GALNT13: variants seen among roughly 807,000 people sequenced by gnomAD.
GALNT13 encodes the protein UDP-GalNAc:polypeptide N-acetylgalactosaminyltransferase 13.
Under a neutral mutation model 64.2 loss-of-function variants are expected in GALNT13, and 28 were observed. The ratio of observed to expected loss-of-function variants is 0.44; its 90% CI spans 0.32 to 0.60. The LOEUF (loss-of-function observed/expected upper bound fraction) is 0.60, where lower values mean the gene tolerates loss of function less well. Among genes scored for constraint, GALNT13 ranks in the 20% least tolerant of loss-of-function variants. The pLI is 0.05. For synonymous variants in GALNT13, 214 were observed against 224.6 expected (o/e 0.95, Z 0.42); for missense variants, 577 against 669.8 (o/e 0.86, Z 1.53).
At chr2:153,233,150 A>G in the GALNT13 span, among the ~76,000 whole-genome samples, 1 of 152,226 alleles carries the variant, frequency 6.6e-6, no homozygotes, top group East Asian at 1.9e-4. Context: ...AGAAGCTTCC[A>G]CGTTAAAACT....
At chr2:154,086,540 T>C (rs1184578929) in intron 3 of GALNT13, among the ~76,000 whole-genome samples, 2 of 151,522 alleles carry the variant, frequency 1.3e-5, no homozygotes, top group African/African-American at 2.4e-5. Context: ...TCCATTTGCA[T>C]AAAGTTTTGA....
At chr2:153,496,974 A>T in the GALNT13 span, among the ~76,000 whole-genome samples, 2 of 145,194 alleles carry the variant, frequency 1.4e-5, no homozygotes, top group Non-Finnish European at 3.0e-5. Context: ...AGCCTGGGCG[A>T]CAGAGCAAGA....
chr2:154,192,378 C>G (rs1211024472), intron 4 of GALNT13, among the ~76,000 whole-genome samples: 1 of 152,172 alleles, frequency 6.6e-6, no homozygotes, highest in Non-Finnish European at 1.5e-5. Context: ...CGGGTCCAGG[C>G]CCGGGGGTGG....
At chr2:153,247,607 G>A in the GALNT13 span, among the ~76,000 whole-genome samples, 2 of 151,932 alleles carry the variant, frequency 1.3e-5, no homozygotes, top group African/African-American at 4.8e-5. Context: ...GCCCACATCA[G>A]AAGCTAGAAA....
At chr2:154,106,901 G>C (rs921873968) in intron 3 of GALNT13, among the ~76,000 whole-genome samples, 6 of 152,278 alleles carry the variant, frequency 3.9e-5, no homozygotes, top group Middle Eastern at 3.4e-3. Context: ...AGTGTTTTAG[G>C]TGAGGACTAA....
chr2:154,150,802 T>C (rs1683959319), intron 4 of GALNT13, among the ~76,000 whole-genome samples: 1 of 152,214 alleles, frequency 6.6e-6, no homozygotes, highest in Non-Finnish European at 1.5e-5. Flanking sequence ...TTATTGCGTC[T>C]ATTTGATTCT....
intron 1 of GALNT13, among the ~76,000 whole-genome samples, chr2:153,898,495 G>A (rs1480806464): frequency 4.6e-5 from 7 of 151,962 alleles, no homozygotes; most frequent in African/African-American, 1.5e-4. Flanking sequence ...AGTGTTTAAT[G>A]TATCATAATT....
intron 4 of GALNT13, among the ~76,000 whole-genome samples, chr2:154,235,534 C>T (rs1471915214): frequency 6.6e-6 from 1 of 152,168 alleles, no homozygotes; most frequent in African/African-American, 2.4e-5. Context: ...ATAGAAACCA[C>T]ACATAATTCT....
At position 154,445,717 on chromosome 2, in the gene GALNT13, T is replaced by C; in HGVS notation, c.1531-4694T>C. On this transcript the variant is annotated intron_variant, in intron 12 of 12. Coordinates refer to ENST00000392825, the MANE Select transcript of GALNT13 (RefSeq NM_052917.4). ...AAAACATAAATCCAATAATTTGTGTTCATTAAGCTGCCTGAGAGAAGTAGC... is the reference window on the plus strand; with the variant it reads ...AAAACATAAATCCAATAATTTGTGTCCATTAAGCTGCCTGAGAGAAGTAGC... The C allele has an allele frequency of 4.0e-6, 3 of 758,164 alleles. No homozygotes were observed. The South Asian group carries it at 4.9e-5, about 12-fold the overall frequency. 47.0% of individuals were successfully genotyped at this position (758,164 alleles called of 1,614,324 possible).
intron 9 of GALNT13, among the ~76,000 whole-genome samples, chr2:154,377,433 G>A (rs1016082264): frequency 3.9e-5 from 6 of 152,136 alleles, no homozygotes; most frequent in Non-Finnish European, 8.8e-5. Flanking sequence ...AGGCAGGTAG[G>A]AAGGGAGGGA....
chr2:153,535,608 T>C, the GALNT13 span, among the ~76,000 whole-genome samples: 1 of 152,168 alleles, frequency 6.6e-6, no homozygotes, highest in Non-Finnish European at 1.5e-5. Context: ...TATAGGAGCT[T>C]AAATGGGCTG....
At chr2:154,029,346 G>A (rs1223368372) in intron 3 of GALNT13, among the ~76,000 whole-genome samples, 1 of 151,934 alleles carries the variant, frequency 6.6e-6, no homozygotes. Flanking sequence ...AAACTGCTAA[G>A]TGTAGGACAG....
chr2:153,340,965 A>G, the GALNT13 span, among the ~76,000 whole-genome samples: 2 of 152,220 alleles, frequency 1.3e-5, no homozygotes, highest in African/African-American at 4.8e-5. Flanking sequence ...CTTGGGTTCT[A>G]GCCCAGACCT....
the GALNT13 span, among the ~76,000 whole-genome samples, chr2:153,148,965 G>T: frequency 6.6e-5 from 10 of 151,836 alleles, no homozygotes; most frequent in African/African-American, 2.4e-5. Flanking sequence ...TGAAGAATTT[G>T]ATCTGGGGAA....
At chr2:153,574,821 C>T in the GALNT13 span, among the ~76,000 whole-genome samples, 2 of 151,800 alleles carry the variant, frequency 1.3e-5, no homozygotes, top group East Asian at 3.9e-4. Context: ...TATTTTGAAG[C>T]CTCTGTCTGA....
At position 153,944,633 on chromosome 2, in the gene GALNT13, T is replaced by C. The variant is rs757817210; in HGVS notation, c.136T>C (p.Leu46=). ...GAAGGAGAGATCTCTGCTGCCTGCA[T>C]TGAGGGGTAAGTGCTTATGAAGCAA... The part of the protein sequence containing the change: ...DKKERSLLPA[L]RAVISRNQEG... Residue 46 remains leucine, a synonymous_variant, in exon 3 of 13, where the codon TTG becomes CTG. Coordinates refer to ENST00000392825, the MANE Select transcript of GALNT13 (RefSeq NM_052917.4). 1.9e-6 allele frequency: 3 copies of C among 1,612,900 alleles called. No homozygotes were observed. The highest frequency in any genetic ancestry group is 2.2e-5 in the South Asian group (2 of 90,896).
the GALNT13 span, among the ~76,000 whole-genome samples, chr2:153,602,632 G>T: frequency 1.3e-5 from 2 of 151,772 alleles, no homozygotes; most frequent in African/African-American, 4.8e-5. Context: ...AATATCTCTG[G>T]CTGACCTGAA....
chr2:154,399,326 T>G (rs1699194982), intron 10 of GALNT13, among the ~76,000 whole-genome samples: 1 of 152,132 alleles, frequency 6.6e-6, no homozygotes, highest in Non-Finnish European at 1.5e-5. Context: ...TACCTTAGAT[T>G]GGGTAATTTA....
the GALNT13 span, among the ~76,000 whole-genome samples, chr2:153,531,237 A>G: frequency 1.3e-5 from 2 of 152,198 alleles, no homozygotes; most frequent in African/African-American, 4.8e-5. Flanking sequence ...CACAGGATGT[A>G]CAGAAAGCAT....
Sources: allele counts gnomAD v4.1 joint callset (sites outside exome capture counted in the v4.1 genomes callset), GRCh38; gene constraint gnomAD v4.1.1; transcripts MANE v1.5; gene names NCBI Gene and HGNC (gene_info 2026-07-23, HGNC 2026-07-21).